Variants in MBNL1 observed in about 807,000 individuals in gnomAD.
The protein encoded by MBNL1 is muscleblind-like protein 1.
Under a neutral mutation model 42.2 loss-of-function variants are expected in MBNL1, and 8 were observed. The observed-to-expected ratio is 0.19, with a 90% CI of 0.11 to 0.34. The LOEUF is 0.34. MBNL1 is among the 10% of genes least tolerant of loss of function. MBNL1 has a pLI of 1.00. For synonymous variants in MBNL1, 169 were observed against 173.9 expected (o/e 0.97, Z 0.22); for missense variants, 309 against 495.3 (o/e 0.62, Z 3.57).
chr3:152,316,232 T>C (rs759491895), intron 2 of MBNL1, among the ~76,000 whole-genome samples: 17 of 152,218 alleles, frequency 1.1e-4, no homozygotes, highest in Non-Finnish European at 2.5e-4. Flanking sequence ...TTTTAAAAAA[T>C]GCACGTTAAA....
chr3:152,344,509 T>G (rs2093897467), intron 2 of MBNL1, among the ~76,000 whole-genome samples: 1 of 152,152 alleles, frequency 6.6e-6, no homozygotes, highest in Non-Finnish European at 1.5e-5. Flanking sequence ...GGAAGGTTGT[T>G]TAGAAAACTT....
At chr3:152,444,111 T>C (rs1031857153) in intron 4 of MBNL1, among the ~76,000 whole-genome samples, 41 of 152,194 alleles carry the variant, frequency 2.7e-4, no homozygotes, top group African/African-American at 9.7e-4. Context: ...ATAAAGTGCT[T>C]AGTATCTGCG....
chr3:152,340,958 C>G (rs2093036973), intron 2 of MBNL1: 3 of 1,510,496 alleles, frequency 2.0e-6, no homozygotes, highest in Admixed American at 2.3e-5. Flanking sequence ...TGCACCTATA[C>G]CACTTTCCTG....
intron 2 of MBNL1, among the ~76,000 whole-genome samples, chr3:152,307,179 A>G (rs886821672): frequency 1.3e-5 from 2 of 152,114 alleles, no homozygotes; most frequent in Non-Finnish European, 2.9e-5. Flanking sequence ...TAGTAGAGAC[A>G]GGGTTTCACC....
At chr3:152,447,483 AT>A (rs1286067474) in intron 5 of MBNL1, 136 bp from the exon 6 acceptor site, 3 of 368,180 alleles carry the variant, frequency 8.1e-6, no homozygotes, top group Non-Finnish European at 1.4e-5. Flanking sequence ...TGTTCATTGG[AT>A]TTTTTCCCTC....
chr3:152,300,993 A>G, intron 2 of MBNL1: 1 of 777,800 alleles, frequency 1.3e-6, no homozygotes, highest in Non-Finnish European at 1.6e-6. Context: ...ATAAATAAGT[A>G]GAAACTCATA....
In MBNL1 at chr3:152,245,345, A is replaced by G. The variant is rs537095443; in HGVS notation, n.333+905A>G. On this transcript the variant is annotated intron_variant and non_coding_transcript_variant, in intron 2 of 2. Transcript: ENST00000477171. ...TCTTTATACTTTGGTAAAAACATTAAGGAGTGTTTAATACAGCTTTGAGAA... is the reference window on the plus strand; with the variant it reads ...TCTTTATACTTTGGTAAAAACATTAGGGAGTGTTTAATACAGCTTTGAGAA... 8.5e-5 allele frequency among the ~76,000 whole-genome samples: 13 copies of G among 152,284 alleles called. No individual in the cohort carries two copies. The South Asian group carries it at 2.1e-3, about 24-fold the overall frequency.
intron 2 of MBNL1, among the ~76,000 whole-genome samples, chr3:152,407,174 G>T: frequency 7.4e-6 from 1 of 135,226 alleles, no homozygotes. Context: ...TAAAGTAATT[G>T]AAAGAAACTG....
chr3:152,414,225 T>A (rs1030940213), intron 2 of MBNL1, among the ~76,000 whole-genome samples: 25 of 152,226 alleles, frequency 1.6e-4, no homozygotes, highest in African/African-American at 2.9e-4. Flanking sequence ...CTCCATTTTT[T>A]AAATTTTTTG....
At chr3:152,297,254 GTTTTTTTTTTTT>G (rs1023006189) in intron 1 of MBNL1, among the ~76,000 whole-genome samples, 1 of 101,492 alleles carries the variant, frequency 9.9e-6, no homozygotes, top group African/African-American at 3.7e-5. Context: ...CTGGACCTTT[GTTTTTTTTTTTT>G]TTTTTTTTAT....
chr3:152,432,867 CCTGCAGCTG>C lies in MBNL1; in HGVS notation c.511_519del (p.Ala171_Ala173del), dbSNP rs532866577. 3.2e-4 allele frequency: 518 copies of C among 1,614,032 alleles called. No individual in the cohort carries two copies. Among genetic ancestry groups the C allele is most frequent in the Non-Finnish European group, 3.9e-4 (464 of 1,179,944 alleles). ...TACAGGGAATCCGGGTGTCCCTGTACCTGCAGCTGCTGCAGCTGCTGCACAGAAATTAAT... is the reference window on the plus strand; with the variant it reads ...TACAGGGAATCCGGGTGTCCCTGTACCTGCAGCTGCTGCACAGAAATTAAT... On this transcript the variant is annotated inframe_deletion, in exon 4 of 10. Transcript: ENST00000324210.
At chr3:152,354,675 G>A (rs923276912) in intron 2 of MBNL1, among the ~76,000 whole-genome samples, 2 of 151,260 alleles carry the variant, frequency 1.3e-5, no homozygotes, top group African/African-American at 4.9e-5. Context: ...GAAGCCTTTG[G>A]TTTATATAGA....
Position 152,338,018 on chromosome 3 carries a change from T to C in MBNL1, c.174+37651T>C, listed in dbSNP as rs1469325360. 3.4e-6 allele frequency: 3 copies of C among 876,940 alleles called. No homozygotes were observed. The African/African-American group carries it at 5.5e-5, about 16-fold the overall frequency. 54.3% of individuals were successfully genotyped at this position (876,940 alleles called of 1,614,324 possible). A position where few individuals can be genotyped will look rare whatever the true frequency, so the allele number is the denominator to read the frequency against. On this transcript the variant is annotated intron_variant, in intron 2 of 9. Coordinates refer to ENST00000324210, the MANE Select transcript of MBNL1 (RefSeq NM_021038.5). ...TTTTTTTGTATTTGTAAATTAAATA[T>C]TGCGATGACAAGATATAATAATTTT...
At chr3:152,359,669 G>A (rs1172810792) in intron 2 of MBNL1, among the ~76,000 whole-genome samples, 2 of 152,194 alleles carry the variant, frequency 1.3e-5, no homozygotes, top group Non-Finnish European at 2.9e-5. Flanking sequence ...GGATTTGAGA[G>A]AGGAGTATAA....
chr3:152,414,062 A>G (rs772861770), intron 2 of MBNL1, among the ~76,000 whole-genome samples: 31 of 152,084 alleles, frequency 2.0e-4, no homozygotes, highest in Non-Finnish European at 1.2e-4. Context: ...ATTACTAAAC[A>G]TGTATGATTT....
At chr3:152,401,849 T>C (rs540479806) in intron 2 of MBNL1, among the ~76,000 whole-genome samples, 1 of 151,952 alleles carries the variant, frequency 6.6e-6, no homozygotes, top group South Asian at 2.1e-4. Context: ...CACATCCTGG[T>C]GAAACCCCGT....
In MBNL1 at chr3:152,450,251, G is replaced by A. The variant is rs117904686; in HGVS notation, c.961+2478G>A. On this transcript the variant is annotated intron_variant, in intron 6 of 9. Coordinates refer to ENST00000324210, the MANE Select transcript of MBNL1 (RefSeq NM_021038.5). ...ATTTGCAACTCAGTTATAAGGGCCT[G>A]AAACAGCAAGTTGACCTTTATTAAT... Among the ~76,000 whole-genome samples the A allele has an allele frequency of 4.4e-4, 67 of 152,208 alleles. 2 individuals carry two copies. The East Asian group carries it at 0.012, about 26-fold the overall frequency.
rs540643814 is a variant in MBNL1 at position 152,387,238 on chromosome 3, T to C, written c.175-27703T>C. On this transcript the variant is annotated intron_variant, in intron 2 of 9. Coordinates refer to ENST00000324210, the MANE Select transcript of MBNL1 (RefSeq NM_021038.5). ...TCAATTTTTAAGCTATTCCAGTCTG[T>C]GTATTTTTTTTTTTTTTTTTGGTCT... 8.4e-4 allele frequency among the ~76,000 whole-genome samples: 111 copies of C among 132,088 alleles called. 1 individual carries two copies. Among genetic ancestry groups the C allele is most frequent in the African/African-American group, 3.1e-3 (108 of 35,196 alleles). 86.7% of individuals were successfully genotyped at this position (132,088 alleles called of 152,430 possible).
intron 2 of MBNL1, among the ~76,000 whole-genome samples, chr3:152,345,265 C>G (rs1014716953): frequency 2.6e-5 from 4 of 152,090 alleles, no homozygotes; most frequent in African/African-American, 9.7e-5. Context: ...TGAGTACCAG[C>G]TTTTCTTTTC....
Sources: gnomAD v4.1 joint callset for allele counts (sites outside exome capture counted in the v4.1 genomes callset) on GRCh38, gnomAD v4.1.1 for gene constraint, MANE v1.5 for transcripts, NCBI Gene and HGNC (gene_info 2026-07-23, HGNC 2026-07-21) for gene names.